CDKAL1: variants seen among roughly 807,000 people sequenced by gnomAD.
CDKAL1 encodes CDKAL1 threonylcarbamoyladenosine tRNA methylthiotransferase.
CDKAL1 carries 32 observed loss-of-function variants against 68.2 expected under a neutral mutation model. The ratio of observed to expected loss-of-function variants is 0.47; its 90% confidence interval spans 0.35 to 0.63. The LOEUF (loss-of-function observed/expected upper bound fraction) is 0.63, where lower values mean the gene tolerates loss of function less well. Ranked by LOEUF, CDKAL1 falls within the 30% of genes least tolerant of loss-of-function variation. The probability of loss-of-function intolerance (pLI) is 0.00; values close to 1 mark genes in which losing one functional copy is unlikely to be tolerated. For synonymous variants in CDKAL1, 234 were observed against 244.3 expected (o/e 0.96, Z 0.39); for missense variants, 606 against 696.7 (o/e 0.87, Z 1.47).
At chr6:20,734,649 C>T (rs2150317640) in intron 5 of CDKAL1, among the ~76,000 whole-genome samples, 1 of 152,254 alleles carries the variant, frequency 6.6e-6, no homozygotes, top group Middle Eastern at 3.4e-3. Flanking sequence ...TGTTAATATT[C>T]CATGACAGCT....
intron 8 of CDKAL1, among the ~76,000 whole-genome samples, chr6:20,816,306 A>G (rs12212105): frequency 0.11 from 16,490 of 152,086 alleles, 958 homozygotes; most frequent in African/African-American, 0.13. Context: ...ACAGCATTCT[A>G]TTGTTACTTT....
intron 13 of CDKAL1, among the ~76,000 whole-genome samples, chr6:21,145,067 A>G (rs1776102498): frequency 6.6e-6 from 1 of 152,088 alleles, no homozygotes; most frequent in Non-Finnish European, 1.5e-5. Flanking sequence ...TCAGGATTGT[A>G]ATGTCTTACA....
In CDKAL1 at chr6:20,606,232, T is replaced by C. The variant is rs142693509; in HGVS notation, c.287-43061T>C. ...GACCATATATTTATATAACATTGAA[T>C]TGGATAAGATTAAACAGAAGAAACA... On this transcript the variant is annotated intron_variant, in intron 4 of 15. Coordinates refer to ENST00000274695, the MANE Select transcript of CDKAL1 (RefSeq NM_017774.3). 1.1e-3 allele frequency among the ~76,000 whole-genome samples: 169 copies of C among 152,328 alleles called. 1 individual carries two copies. Among genetic ancestry groups the C allele is most frequent in the African/African-American group, 3.8e-3 (159 of 41,570 alleles).
Position 20,884,368 on chromosome 6 carries a change from AC to A in CDKAL1, c.742+38191del, listed in dbSNP as rs200902249. ...GAGAACATTCTCAACATGTTAAAGG[AC>A]ATTTCTGAAAAACTCACGATTAGCA... On this transcript the variant is annotated intron_variant, in intron 9 of 15. Transcript: ENST00000274695. 1.2e-4 allele frequency among the ~76,000 whole-genome samples: 19 copies of A among 152,358 alleles called. No homozygotes were observed. The East Asian group carries it at 2.7e-3, about 22-fold the overall frequency.
intron 9 of CDKAL1, among the ~76,000 whole-genome samples, chr6:20,919,661 T>A (rs916639029): frequency 6.6e-6 from 1 of 152,244 alleles, no homozygotes; most frequent in Admixed American, 6.5e-5. Context: ...TTTTGTTTCT[T>A]ATGTGGGTGT....
intron 10 of CDKAL1, among the ~76,000 whole-genome samples, chr6:20,998,186 G>C (rs951721512): frequency 6.6e-6 from 1 of 152,130 alleles, no homozygotes; most frequent in Non-Finnish European, 1.5e-5. Context: ...ATTTGGGGGG[G>C]ATTTTGATGT....
intron 8 of CDKAL1, among the ~76,000 whole-genome samples, chr6:20,843,089 T>C (rs1778239528): frequency 1.3e-5 from 2 of 152,172 alleles, no homozygotes; most frequent in African/African-American, 4.8e-5. Context: ...GTTTCCACAG[T>C]TGACTTTTAA....
intron 5 of CDKAL1, among the ~76,000 whole-genome samples, chr6:20,735,380 C>T (rs969333491): frequency 3.8e-4 from 58 of 152,056 alleles, no homozygotes; most frequent in African/African-American, 1.3e-3. Flanking sequence ...GCAGAAGGCA[C>T]CTCTTTACAG....
chr6:20,887,898 C>G (rs1761166251), intron 9 of CDKAL1, among the ~76,000 whole-genome samples: 1 of 151,186 alleles, frequency 6.6e-6, no homozygotes, highest in Admixed American at 6.6e-5. Context: ...ATCCTCCTGC[C>G]TCAGCCTCCC....
chr6:20,980,441 G>A (rs1766082379), intron 10 of CDKAL1, among the ~76,000 whole-genome samples: 1 of 151,984 alleles, frequency 6.6e-6, no homozygotes, highest in African/African-American at 2.4e-5. Context: ...GTTTCACCGT[G>A]TTAGCCAGGA....
intron 4 of CDKAL1, among the ~76,000 whole-genome samples, chr6:20,621,169 C>A (rs1767174961): frequency 6.6e-6 from 1 of 152,076 alleles, no homozygotes; most frequent in Admixed American, 6.6e-5. Flanking sequence ...TTTCAAAGAG[C>A]TTTGCTACTA....
At chr6:21,228,615 C>T (rs1194013771) in intron 15 of CDKAL1, among the ~76,000 whole-genome samples, 1 of 152,158 alleles carries the variant, frequency 6.6e-6, no homozygotes, top group African/African-American at 2.4e-5. Context: ...ATTATTCACT[C>T]GATCAGTCAT....
At chr6:20,942,597 C>G (rs1764035258) in intron 9 of CDKAL1, among the ~76,000 whole-genome samples, 1 of 149,996 alleles carries the variant, frequency 6.7e-6, no homozygotes, top group Non-Finnish European at 1.5e-5. Context: ...GAGCTCCCAA[C>G]CTCAGGTGAT....
intron 4 of CDKAL1, chr6:20,558,613 TA>T: frequency 2.2e-6 from 1 of 456,504 alleles, no homozygotes; most frequent in Non-Finnish European, 4.4e-6. Flanking sequence ...AATCACTTTG[TA>T]ATCTAAGAAG....
At chr6:20,955,363 A>G in intron 9 of CDKAL1, 56 bp from the exon 10 acceptor site, 3 of 1,519,228 alleles carry the variant, frequency 2.0e-6, no homozygotes, top group Middle Eastern at 1.9e-4. Context: ...GAGCAGCTGT[A>G]TGATGAAGGA....
chr6:21,065,519 G>T (rs1771388082), intron 12 of CDKAL1, among the ~76,000 whole-genome samples: 1 of 151,792 alleles, frequency 6.6e-6, no homozygotes, highest in Non-Finnish European at 1.5e-5. Flanking sequence ...TAAACTTTTG[G>T]ATGTTTCAAA....
intron 13 of CDKAL1, among the ~76,000 whole-genome samples, chr6:21,180,344 C>CT (rs34495587): frequency 0.4 from 56,964 of 140,722 alleles, 11,263 homozygotes; most frequent in Admixed American, 0.47. Flanking sequence ...CTTTAAGTTT[C>CT]TTTTTTTTTT....
At chr6:20,869,580 G>A (rs1760088148) in intron 9 of CDKAL1, among the ~76,000 whole-genome samples, 1 of 152,084 alleles carries the variant, frequency 6.6e-6, no homozygotes, top group Admixed American at 6.5e-5. Flanking sequence ...TCCACTGAAT[G>A]CACAGTTAAG....
intron 3 of CDKAL1, 70 bp from the exon 4 acceptor site, chr6:20,548,523 A>G (rs1763691690): frequency 3.9e-6 from 3 of 760,678 alleles, no homozygotes; most frequent in East Asian, 5.1e-5. Context: ...ACAGAGCAAG[A>G]CCCTGGATCA....
Sources: gnomAD v4.1 joint callset for allele counts (sites outside exome capture counted in the v4.1 genomes callset) on GRCh38, gnomAD v4.1.1 for gene constraint, MANE v1.5 for transcripts, NCBI Gene and HGNC (gene_info 2026-07-23, HGNC 2026-07-21) for gene names.